Variants in MBD3 observed in about 807,000 individuals in gnomAD.
The protein encoded by MBD3 is methyl-CpG binding domain protein 3, also known as methyl-CpG-binding domain protein 3.
Under a neutral mutation model 31.2 loss-of-function variants are expected in MBD3, and 13 were observed. The ratio of observed to expected loss-of-function variants is 0.42; its 90% CI spans 0.27 to 0.66. The LOEUF is 0.66. MBD3 is among the 30% of genes least tolerant of loss of function. The probability of loss-of-function intolerance (pLI) is 0.26; values close to 1 mark genes in which losing one functional copy is unlikely to be tolerated. For synonymous variants in MBD3, 223 were observed against 187.4 expected (o/e 1.19, Z -1.55); for missense variants, 440 against 426.5 (o/e 1.03, Z -0.28).
At chr19:1,582,825 A>C in intron 3 of MBD3, 113 bp from the exon 4 acceptor site, 6 of 848,890 alleles carry the variant, frequency 7.1e-6, no homozygotes, top group Admixed American at 2.0e-5. Flanking sequence ...GTGGGTCCCA[A>C]TGGGGCATCT....
chr19:1,588,391 T>C (rs1353059729), intron 1 of MBD3, among the ~76,000 whole-genome samples: 2 of 152,134 alleles, frequency 1.3e-5, no homozygotes, highest in East Asian at 1.9e-4. Flanking sequence ...TCAGGCTTCA[T>C]GTAGCCACAA....
intron 5 of MBD3, among the ~76,000 whole-genome samples, chr19:1,579,044 C>G (rs576978509): frequency 6.6e-6 from 1 of 151,780 alleles, no homozygotes; most frequent in South Asian, 2.1e-4. Flanking sequence ...ATTAGCTGGG[C>G]GTGGTGGCGG....
Position 1,578,109 on chromosome 19 carries a change from C to G in MBD3, c.*55G>C. ...AGCCTGGTTCACGTGGGGCCGAGGA[C>G]CGCGTCTGCAGGCGGCTCCAGCAGG... On this transcript the variant is annotated 3_prime_UTR_variant, in exon 7 of 7. Coordinates refer to ENST00000434436, the MANE Select transcript of MBD3 (RefSeq NM_001281453.2). The surrounding 1 kb of genome is among the most constrained non-coding windows in gnomAD (Gnocchi z 6.1). The G allele has an allele frequency of 1.5e-6, 1 of 651,144 alleles. No homozygotes were observed. Among genetic ancestry groups the G allele is most frequent in the Non-Finnish European group, 2.6e-6 (1 of 384,042 alleles). The allele number at this position is 651,144 out of a possible 1,614,324, so 40.3% of individuals were successfully genotyped here.
intron 1 of MBD3, among the ~76,000 whole-genome samples, chr19:1,587,879 T>C (rs1049866864): frequency 3.3e-5 from 5 of 150,822 alleles, no homozygotes; most frequent in Admixed American, 2.0e-4. Flanking sequence ...TTTTCCCGTT[T>C]TCCCAGAATC....
At chr19:1,584,136 T>C (rs1330551016) in intron 3 of MBD3, among the ~76,000 whole-genome samples, 1 of 151,982 alleles carries the variant, frequency 6.6e-6, no homozygotes, top group East Asian at 1.9e-4. Context: ...TACTAGACCA[T>C]TTTCTGAGGG....
At chr19:1,582,586 C>T in intron 4 of MBD3, 36 bp downstream of exon 4, 1 of 1,598,190 alleles carries the variant, frequency 6.3e-7, no homozygotes, top group African/African-American at 1.3e-5. Context: ...CCACCCGGCA[C>T]ATCCCCTTCC....
intron 1 of MBD3, among the ~76,000 whole-genome samples, chr19:1,588,372 G>C (rs530262500): frequency 6.6e-6 from 1 of 152,288 alleles, no homozygotes; most frequent in South Asian, 2.1e-4. Flanking sequence ...AGAAACCAGA[G>C]GCTGAGACTC....
At chr19:1,582,429 G>A (rs1380521505) in intron 4 of MBD3, among the ~76,000 whole-genome samples, 193 bp downstream of exon 4, 5 of 152,052 alleles carry the variant, frequency 3.3e-5, no homozygotes, top group Admixed American at 6.5e-5. Flanking sequence ...CAAGAATGAA[G>A]GGCCCAGCCC....
In MBD3 at chr19:1,575,190, G is replaced by A. The variant is rs780745674; in HGVS notation, c.*2974C>T. ...CACACCTGTAATCCCGGCAATTTGG[G>A]AAGCTGGGGCGGGCGGATCACCTGA... is the stretch of plus-strand genomic sequence containing the variant. On this transcript the variant is annotated 3_prime_UTR_variant, in exon 7 of 7. Transcript: ENST00000434436. 2.3e-6 allele frequency: 1 copy of A among 436,212 alleles called. No individual in the cohort carries two copies. Among genetic ancestry groups the A allele is most frequent in the South Asian group, 1.6e-5 (1 of 62,378 alleles). The allele number at this position is 436,212 out of a possible 1,614,324, so 27.0% of individuals were successfully genotyped here. A position where few individuals can be genotyped will look rare whatever the true frequency, so the allele number is the denominator to read the frequency against.
intron 1 of MBD3, among the ~76,000 whole-genome samples, chr19:1,587,725 G>C (rs75812732): frequency 0.024 from 3,604 of 152,306 alleles, 140 homozygotes; most frequent in African/African-American, 0.084. Flanking sequence ...CTTTTATCTT[G>C]ATAAAATCAT....
At chr19:1,584,737 G>T in intron 2 of MBD3, 60 bp from the exon 3 acceptor site, 1 of 1,555,970 alleles carries the variant, frequency 6.4e-7, no homozygotes, top group Non-Finnish European at 8.7e-7. Flanking sequence ...GGAGCCTCAG[G>T]GGGTGCGGGG....
At chr19:1,590,432 G>C (rs1473032088) in intron 1 of MBD3, among the ~76,000 whole-genome samples, 1 of 152,146 alleles carries the variant, frequency 6.6e-6, no homozygotes, top group Admixed American at 6.5e-5. Context: ...GACCAGTCTA[G>C]TCTAGGCAAC....
In MBD3 at chr19:1,577,527, C is replaced by G. The variant is rs2145588947; in HGVS notation, c.*637G>C. The G allele has an allele frequency of 6.6e-6, 1 of 152,272 alleles. No homozygotes were observed. Among genetic ancestry groups the G allele is most frequent in the East Asian group, 1.9e-4 (1 of 5,194 alleles). The allele number at this position is 152,272 out of a possible 1,614,324, so 9.4% of individuals were successfully genotyped here. ...GGAGTTTGGTTTTCAGAAGCGAAGG[C>G]TGGCGTTGGCACACAGGGAAGGCTG... On this transcript the variant is annotated 3_prime_UTR_variant, in exon 7 of 7. Transcript: ENST00000434436.
intron 1 of MBD3, among the ~76,000 whole-genome samples, chr19:1,591,579 C>T (rs1255705387): frequency 1.3e-5 from 2 of 152,124 alleles, no homozygotes; most frequent in Non-Finnish European, 2.9e-5. Flanking sequence ...GTGCTCGGCA[C>T]ATGGCAGGCG....
chr19:1,575,377 G>T lies in MBD3; in HGVS notation c.*2787C>A. 5.5e-6 allele frequency: 2 copies of T among 363,052 alleles called. No homozygotes were observed. The highest frequency in any genetic ancestry group is 1.1e-5 in the Non-Finnish European group (2 of 179,574). The allele number at this position is 363,052 out of a possible 1,614,324, so 22.5% of individuals were successfully genotyped here. A position where few individuals can be genotyped will look rare whatever the true frequency, so the allele number is the denominator to read the frequency against. Reference sequence around the variant, plus strand: ...ATCACGCCACTGCACTCCAGCCTGTGCAACAAGAGCGAAAGAAGAGCGAAA... The same window carrying T: ...ATCACGCCACTGCACTCCAGCCTGTTCAACAAGAGCGAAAGAAGAGCGAAA... On this transcript the variant is annotated 3_prime_UTR_variant, in exon 7 of 7. Transcript: ENST00000434436.
chr19:1,590,147 A>C (rs1006395888), intron 1 of MBD3, among the ~76,000 whole-genome samples: 2 of 151,314 alleles, frequency 1.3e-5, no homozygotes, highest in Non-Finnish European at 2.9e-5. Flanking sequence ...AAAATACAAA[A>C]ATTAGCCGGG....
chr19:1,574,134 TG>T lies in MBD3; in HGVS notation c.*4029del, dbSNP rs1488564579. The T allele has an allele frequency of 6.6e-6, 1 of 152,148 alleles. No homozygotes were observed. Among genetic ancestry groups the T allele is most frequent in the East Asian group, 1.9e-4 (1 of 5,174 alleles). The allele number at this position is 152,148 out of a possible 1,614,324, so 9.4% of individuals were successfully genotyped here. A position where few individuals can be genotyped will look rare whatever the true frequency, so the allele number is the denominator to read the frequency against. On this transcript the variant is annotated 3_prime_UTR_variant, in exon 7 of 7. Coordinates refer to ENST00000434436, the MANE Select transcript of MBD3 (RefSeq NM_001281453.2). ...GAGTTCGTGACCAGCCTGGCTAACA[TG>T]GTGAAACCCCGTCTCTACTGGGGGT...
chr19:1,584,809 C>G, intron 2 of MBD3, 132 bp from the exon 3 acceptor site: 1 of 1,056,674 alleles, frequency 9.5e-7, no homozygotes, highest in South Asian at 1.8e-5. Flanking sequence ...AGGACCCCCA[C>G]GGTCCGGGGA....
In MBD3 at chr19:1,581,886, G is replaced by A. The variant is rs1052599956; in HGVS notation, c.500-617C>T. On this transcript the variant is annotated intron_variant, in intron 4 of 6. Transcript: ENST00000434436. ...AGGTTCACGCTATTCTCCTGCCTCAGCCTCCCAAGTAGCTGAGACTACAGG... is the reference window on the plus strand; with the variant it reads ...AGGTTCACGCTATTCTCCTGCCTCAACCTCCCAAGTAGCTGAGACTACAGG... 1.3e-4 allele frequency: 21 copies of A among 158,088 alleles called. No individual in the cohort carries two copies. In the East Asian group the frequency reaches 3.4e-3, roughly 26 times the overall value. 9.8% of individuals were successfully genotyped at this position (158,088 alleles called of 1,614,324 possible). A position where few individuals can be genotyped will look rare whatever the true frequency, so the allele number is the denominator to read the frequency against.
Sources: allele counts gnomAD v4.1 joint callset (sites outside exome capture counted in the v4.1 genomes callset), GRCh38; gene constraint gnomAD v4.1.1; non-coding constraint Gnocchi (gnomAD v3.1); transcripts MANE v1.5; gene names NCBI Gene and HGNC (gene_info 2026-07-23, HGNC 2026-07-21).